The following UTRN variants were observed in gnomAD, a reference collection of about 807,000 sequenced individuals.
The protein encoded by UTRN is utrophin.
In UTRN, 283 loss-of-function variants were observed where a neutral mutation model predicts 463.9. That is an observed-to-expected ratio of 0.61 (90% CI 0.55 to 0.67). UTRN has a LOEUF of 0.67. Ranked by LOEUF, UTRN falls within the 30% of genes least tolerant of loss-of-function variation. The probability of loss-of-function intolerance (pLI) is 0.00; values close to 1 mark genes in which losing one functional copy is unlikely to be tolerated. For synonymous variants in UTRN, 1,442 were observed against 1,431.5 expected (o/e 1.01, Z -0.17); for missense variants, 3,922 against 4,084.3 (o/e 0.96, Z 1.08).
intron 51 of UTRN, among the ~76,000 whole-genome samples, chr6:144,662,007 CTATT>C (rs36070256): frequency 2.7e-5 from 4 of 150,380 alleles, no homozygotes; most frequent in Admixed American, 6.6e-5. Flanking sequence ...TTATTATTAT[CTATT>C]TATTTATTTA....
chr6:144,306,886 C>A (rs939859562), intron 2 of UTRN, among the ~76,000 whole-genome samples: 2 of 150,890 alleles, frequency 1.3e-5, no homozygotes, highest in Non-Finnish European at 3.0e-5. Context: ...TGAAACCCTA[C>A]CTCTACTAAA....
rs561360595 is a variant in UTRN, at chr6:144,709,778, A to G, written c.7809+9535A>G. ...ATGATCTCATAAATGCAAGTTTTGA[A>G]TACCACTATATACAACCTTTATTTA... On this transcript the variant is annotated intron_variant, in intron 53 of 74. Coordinates refer to ENST00000367545, the MANE Select transcript of UTRN (RefSeq NM_007124.3). 2.0e-5 allele frequency among the ~76,000 whole-genome samples: 3 copies of G among 152,354 alleles called. No individual in the cohort carries two copies. The South Asian group carries it at 6.2e-4, about 32-fold the overall frequency.
At chr6:144,536,813 T>C (rs1010578631) in intron 43 of UTRN, among the ~76,000 whole-genome samples, 2 of 152,094 alleles carry the variant, frequency 1.3e-5, no homozygotes, top group Non-Finnish European at 2.9e-5. Flanking sequence ...ATTTGTCATA[T>C]GAGTTCTAAT....
At chr6:144,430,811 A>T (rs1785757381) in intron 9 of UTRN, among the ~76,000 whole-genome samples, 1 of 152,104 alleles carries the variant, frequency 6.6e-6, no homozygotes, top group Admixed American at 6.5e-5. Flanking sequence ...TTGACATAGC[A>T]TCTTTTTTTT....
chr6:144,488,665 T>C lies in UTRN; in HGVS notation c.3973-8T>C. Reference sequence around the variant, plus strand: ...GGCAACTAATGATTCAATTTCTCCTTTGTGCAGGCAGAGAGCAAGCAGATT... The same window carrying C: ...GGCAACTAATGATTCAATTTCTCCTCTGTGCAGGCAGAGAGCAAGCAGATT... On this transcript the variant is annotated splice_polypyrimidine_tract_variant and splice_region_variant and intron_variant, in intron 29 of 74. Transcript: ENST00000367545. 1 of 1,609,612 alleles carries C rather than the reference T, an allele frequency of 6.2e-7. No homozygotes were observed. Among genetic ancestry groups the C allele is most frequent in the African/African-American group, 1.3e-5 (1 of 74,946 alleles).
intron 50 of UTRN, among the ~76,000 whole-genome samples, chr6:144,559,778 A>AT (rs1271200894): frequency 1.3e-5 from 2 of 151,878 alleles, no homozygotes; most frequent in Admixed American, 1.3e-4. Flanking sequence ...AAAAGAATAC[A>AT]TTTTTTCACC....
chr6:144,368,209 A>G (rs1231077740), intron 2 of UTRN, among the ~76,000 whole-genome samples: 1 of 152,182 alleles, frequency 6.6e-6, no homozygotes, highest in African/African-American at 2.4e-5. Context: ...TCACGTGGAC[A>G]TTGAAGATAA....
chr6:144,289,575 G>A (rs1478568403), intron 1 of UTRN, among the ~76,000 whole-genome samples: 1 of 152,190 alleles, frequency 6.6e-6, no homozygotes, highest in Non-Finnish European at 1.5e-5. Flanking sequence ...TCTCGCTTAA[G>A]CTTCCCAAAG....
At chr6:144,563,194 A>AC in intron 50 of UTRN, among the ~76,000 whole-genome samples, 1 of 152,336 alleles carries the variant, frequency 6.6e-6, no homozygotes, top group Non-Finnish European at 1.5e-5. Flanking sequence ...TATTGTGTAT[A>AC]GTAAAGACTG....
chr6:144,547,306 C>G (rs1250225925), intron 46 of UTRN, among the ~76,000 whole-genome samples: 4 of 152,094 alleles, frequency 2.6e-5, no homozygotes, highest in Admixed American at 1.3e-4. Flanking sequence ...ATTGCAAATA[C>G]CATCTCCTTT....
chr6:144,360,954 T>A lies in UTRN; in HGVS notation c.80-42169T>A, dbSNP rs554551477. Among the ~76,000 whole-genome samples, 1,435 of 152,310 alleles carry A rather than the reference T, an allele frequency of 9.4e-3. 21 individuals are homozygous for A. The highest frequency in any genetic ancestry group is 0.033 in the African/African-American group (1,372 of 41,568). ...TCTTGGGGGAAGGACCAAACTAAGA[T>A]ATTATTAGCCAACTTTTCTTTTGAC... On this transcript the variant is annotated intron_variant, in intron 2 of 74. Transcript: ENST00000367545.
intron 19 of UTRN, among the ~76,000 whole-genome samples, chr6:144,454,180 T>C (rs888338013): frequency 2.0e-5 from 3 of 152,180 alleles, no homozygotes; most frequent in East Asian, 1.9e-4. Context: ...GGTTTATATA[T>C]TGGGAATTTG....
chr6:144,406,449 C>G (rs1045372279), intron 3 of UTRN, among the ~76,000 whole-genome samples: 1 of 151,174 alleles, frequency 6.6e-6, no homozygotes, highest in Admixed American at 6.6e-5. Context: ...AGCCTGCAGC[C>G]TCTGCCTCCC....
At chr6:144,487,456 T>C (rs967258532) in intron 28 of UTRN, 92 bp from the exon 29 acceptor site, 1 of 1,281,164 alleles carries the variant, frequency 7.8e-7, no homozygotes, top group Non-Finnish European at 1.0e-6. Flanking sequence ...GAAAATATAA[T>C]TACTTGTTTA....
At chr6:144,572,571 C>T (rs1036540511) in intron 50 of UTRN, among the ~76,000 whole-genome samples, 4 of 151,944 alleles carry the variant, frequency 2.6e-5, no homozygotes, top group East Asian at 1.9e-4. Flanking sequence ...TGACAGGCCC[C>T]GGTGTGTGAT....
chr6:144,638,730 A>G, intron 51 of UTRN, among the ~76,000 whole-genome samples: 1 of 152,202 alleles, frequency 6.6e-6, no homozygotes, highest in East Asian at 1.9e-4. Flanking sequence ...GAAGTTGCAC[A>G]CATACTTTAT....
At chr6:144,840,625 T>C in intron 72 of UTRN, 115 bp from the exon 73 acceptor site, 1 of 1,172,286 alleles carries the variant, frequency 8.5e-7, no homozygotes. Context: ...ATGGGAAATC[T>C]TTTCACATTG....
At chr6:144,577,497 A>T (rs1442070562) in intron 51 of UTRN, among the ~76,000 whole-genome samples, 1 of 152,172 alleles carries the variant, frequency 6.6e-6, no homozygotes, top group African/African-American at 2.4e-5. Flanking sequence ...ACCTTGTTTT[A>T]TGGAAGTAAT....
chr6:144,767,651 AG>A (rs1793506398), intron 58 of UTRN, among the ~76,000 whole-genome samples: 1 of 152,150 alleles, frequency 6.6e-6, no homozygotes, highest in Non-Finnish European at 1.5e-5. Flanking sequence ...TATCCAAAAA[AG>A]TTTACTTGGT....
Sources: allele counts gnomAD v4.1 joint callset (sites outside exome capture counted in the v4.1 genomes callset), GRCh38; gene constraint gnomAD v4.1.1; transcripts MANE v1.5; gene names NCBI Gene and HGNC (gene_info 2026-07-23, HGNC 2026-07-21).